PTPRQ: variants seen among roughly 807,000 people sequenced by gnomAD.
The protein encoded by PTPRQ is protein tyrosine phosphatase receptor type Q.
PTPRQ carries 199 observed loss-of-function variants against 246.0 expected under a neutral mutation model. The ratio of observed to expected loss-of-function variants is 0.81; its 90% CI spans 0.72 to 0.91. PTPRQ has a LOEUF of 0.91. PTPRQ is among the 40% of genes least tolerant of loss of function. The pLI is 0.00. For synonymous variants in PTPRQ, 869 were observed against 853.2 expected (o/e 1.02, Z -0.32); for missense variants, 2,624 against 2,528.4 (o/e 1.04, Z -0.81).
Position 80,496,237 on chromosome 12 carries a change from T to C in PTPRQ, c.1991-13T>C. Reference sequence around the variant, plus strand: ...AAAATATAGGTACTACAAATGTTCTTTTCTTCCCCTAGAACCGGAATCATC... The same window carrying C: ...AAAATATAGGTACTACAAATGTTCTCTTCTTCCCCTAGAACCGGAATCATC... On this transcript the variant is annotated splice_polypyrimidine_tract_variant and intron_variant, in intron 13 of 44. Transcript: ENST00000644991. The C allele has an allele frequency of 6.5e-7, 1 of 1,548,010 alleles. No homozygotes were observed.
intron 33 of PTPRQ, 128 bp downstream of exon 33, chr12:80,622,262 C>A (rs568752580): frequency 1.7e-5 from 14 of 814,374 alleles, no homozygotes; most frequent in South Asian, 1.3e-4. Context: ...TAATTAGCCT[C>A]TCTAGTAATA....
intron 43 of PTPRQ, among the ~76,000 whole-genome samples, chr12:80,674,740 C>G (rs897624158): frequency 2.0e-5 from 3 of 151,940 alleles, no homozygotes; most frequent in Admixed American, 6.6e-5. Context: ...TAGGTATTCT[C>G]AAAAAAGAAA....
chr12:80,666,378 G>A (rs1255023349), intron 39 of PTPRQ, among the ~76,000 whole-genome samples: 1 of 151,936 alleles, frequency 6.6e-6, no homozygotes, highest in African/African-American at 2.4e-5. Context: ...TCTCGTGAAA[G>A]TAGAGAGTAG....
intron 17 of PTPRQ, among the ~76,000 whole-genome samples, chr12:80,524,714 T>A (rs549779786): frequency 7.3e-4 from 111 of 152,236 alleles, no homozygotes; most frequent in African/African-American, 2.1e-3. Context: ...TATTTTTTTC[T>A]TTTTTCAAAA....
intron 17 of PTPRQ, among the ~76,000 whole-genome samples, chr12:80,530,465 C>G (rs776117740): frequency 1.1e-4 from 16 of 152,132 alleles, no homozygotes; most frequent in Non-Finnish European, 2.2e-4. Context: ...TACATATCAT[C>G]TCTAAATTCA....
At chr12:80,617,102 G>A (rs2121121067) in intron 30 of PTPRQ, among the ~76,000 whole-genome samples, 1 of 151,278 alleles carries the variant, frequency 6.6e-6, no homozygotes, top group South Asian at 2.1e-4. Context: ...ACAGCATTAG[G>A]CTGGGTTTAG....
At chr12:80,610,340 G>T (rs1486291739) in intron 27 of PTPRQ, 99 bp from the exon 28 acceptor site, 1 of 952,022 alleles carries the variant, frequency 1.1e-6, no homozygotes, top group Non-Finnish European at 1.4e-6. Context: ...ATACAAATTT[G>T]GCTAGATAAA....
intron 7 of PTPRQ, among the ~76,000 whole-genome samples, chr12:80,471,170 G>A (rs1276331109): frequency 6.6e-6 from 1 of 152,000 alleles, no homozygotes; most frequent in Non-Finnish European, 1.5e-5. Context: ...GAGGGAGAGA[G>A]AATAGTAAAT....
intron 19 of PTPRQ, among the ~76,000 whole-genome samples, chr12:80,536,869 G>C (rs1163688605): frequency 6.6e-6 from 1 of 152,130 alleles, no homozygotes. Context: ...AATTGTTCCA[G>C]TAGTTCTAAA....
intron 17 of PTPRQ, among the ~76,000 whole-genome samples, chr12:80,519,193 C>A (rs201878330): frequency 6.6e-6 from 1 of 152,156 alleles, no homozygotes; most frequent in East Asian, 1.9e-4. Context: ...AGAACTTTTA[C>A]TTCCTGCCAC....
chr12:80,628,404 G>A (rs1264354106), intron 33 of PTPRQ, among the ~76,000 whole-genome samples: 1 of 152,038 alleles, frequency 6.6e-6, no homozygotes, highest in Admixed American at 6.6e-5. Flanking sequence ...AAAAGATGAA[G>A]CATTAATACG....
chr12:80,650,950 A>C (rs2121227596), intron 37 of PTPRQ, among the ~76,000 whole-genome samples: 1 of 152,178 alleles, frequency 6.6e-6, no homozygotes, highest in South Asian at 2.1e-4. Context: ...TTATTAAATT[A>C]TGTTTTAATA....
intron 38 of PTPRQ, among the ~76,000 whole-genome samples, chr12:80,655,444 G>T (rs144715584): frequency 6.6e-6 from 1 of 152,056 alleles, no homozygotes; most frequent in Non-Finnish European, 1.5e-5. Context: ...GGTGAATAAG[G>T]TTAATTCATA....
At chr12:80,453,057 G>C (rs909629156) in intron 3 of PTPRQ, among the ~76,000 whole-genome samples, 28 of 152,188 alleles carry the variant, frequency 1.8e-4, no homozygotes, top group African/African-American at 6.5e-4. Context: ...TGGAGGCTTT[G>C]TTCATTTCTT....
chr12:80,466,562 C>G (rs10862130), intron 6 of PTPRQ, among the ~76,000 whole-genome samples: 43,953 of 151,972 alleles, frequency 0.29, 6,717 homozygotes, highest in African/African-American at 0.35. Context: ...AATCCTAAGC[C>G]AAAAGAACAA....
chr12:80,501,935 T>G (rs1349244816), intron 14 of PTPRQ, among the ~76,000 whole-genome samples: 1 of 133,090 alleles, frequency 7.5e-6, no homozygotes, highest in Admixed American at 7.5e-5. Context: ...TAACAGAGTA[T>G]GATAGGCAAA....
rs1900191219 is a variant in PTPRQ, at chr12:80,649,616, C to T, written c.5971C>T (p.His1991Tyr). 1 of 1,549,654 alleles carries T rather than the reference C, an allele frequency of 6.5e-7. No individual in the cohort carries two copies. The highest frequency in any genetic ancestry group is 2.0e-5 in the Admixed American group (1 of 50,850). ...AATAAGCAAGAAATCCTTCCTGCAA[C>T]ATGTTGAAGAGCTTTGCACAAACAA... ...KPISKKSFLQHVEELCTNNNL... is the reference protein window; with the variant it reads ...KPISKKSFLQYVEELCTNNNL... The change falls in exon 37 of 45, where the codon CAT becomes TAT. Residue 1991 changes from histidine to tyrosine, a missense_variant. Transcript: ENST00000644991.
Position 80,542,692 on chromosome 12 carries a change from T to A in PTPRQ, c.3722-38T>A. 2.6e-6 allele frequency: 4 copies of A among 1,517,422 alleles called. No individual in the cohort carries two copies. The East Asian group carries it at 1.0e-4, about 38-fold the overall frequency. The allele number at this position is 1,517,422 out of a possible 1,614,324, so 94.0% of individuals were successfully genotyped here. A position where few individuals can be genotyped will look rare whatever the true frequency, so the allele number is the denominator to read the frequency against. On this transcript the variant is annotated intron_variant, in intron 22 of 44. Coordinates refer to ENST00000644991, the MANE Select transcript of PTPRQ (RefSeq NM_001145026.2). ...CACGGTGCTATTTTTATGTTAAAAG[T>A]TTTATGAATGTAAGTTTCTTCATGT...
intron 25 of PTPRQ, among the ~76,000 whole-genome samples, chr12:80,570,094 A>C (rs1158327148): frequency 6.6e-6 from 1 of 152,190 alleles, no homozygotes; most frequent in Admixed American, 6.5e-5. Context: ...TTGGGTATAT[A>C]CCCAGTAATG....
Sources: allele counts gnomAD v4.1 joint callset (sites outside exome capture counted in the v4.1 genomes callset), GRCh38; gene constraint gnomAD v4.1.1; transcripts MANE v1.5; gene names NCBI Gene and HGNC (gene_info 2026-07-23, HGNC 2026-07-21).